The following CNTNAP5 variants were observed in gnomAD, a reference collection of about 807,000 sequenced individuals.
CNTNAP5 encodes the protein contactin associated protein family member 5.
CNTNAP5 carries 72 observed loss-of-function variants against 150.2 expected under a neutral mutation model. That is an observed-to-expected ratio of 0.48 (90% CI 0.40 to 0.58). CNTNAP5 has a LOEUF of 0.58. Ranked by LOEUF, CNTNAP5 falls within the 20% of genes least tolerant of loss-of-function variation. The pLI is 0.00. For missense variants in CNTNAP5, 1,636 were observed against 1,626.2 expected, an observed-to-expected ratio of 1.01 and a Z score of -0.10; for synonymous variants, 672 against 619.8, an observed-to-expected ratio of 1.08 and a Z score of -1.25.
In CNTNAP5 at chr2:124,079,698, T is replaced by A. The variant is rs998695138; in HGVS notation, c.82+53966T>A. 3.3e-5 allele frequency among the ~76,000 whole-genome samples: 5 copies of A among 152,290 alleles called. No individual in the cohort carries two copies. In the South Asian group the frequency reaches 1.0e-3, roughly 32 times the overall value. ...GAAAAAATGTTTATTCATGTGTATG[T>A]GCGTGTGTATGAGCATGCGTGTGTA... On this transcript the variant is annotated intron_variant, in intron 1 of 23. Transcript: ENST00000682447.
chr2:124,192,489 C>G (rs1033657327), intron 1 of CNTNAP5, among the ~76,000 whole-genome samples: 2 of 152,158 alleles, frequency 1.3e-5, no homozygotes. Flanking sequence ...CTATTCCCCC[C>G]AAACCATGCG....
intron 3 of CNTNAP5, among the ~76,000 whole-genome samples, chr2:124,277,946 C>G (rs544703566): frequency 3.7e-4 from 57 of 152,158 alleles, no homozygotes; most frequent in Non-Finnish European, 6.9e-4. Context: ...ACCTTCCCAT[C>G]AAGTGCCCCT....
At chr2:124,548,983 A>G (rs560123168) in intron 10 of CNTNAP5, among the ~76,000 whole-genome samples, 1 of 152,172 alleles carries the variant, frequency 6.6e-6, no homozygotes, top group African/African-American at 2.4e-5. Flanking sequence ...CTGGGGCACA[A>G]GGGGATGGTC....
At chr2:124,342,452 C>G (rs1249248555) in intron 3 of CNTNAP5, among the ~76,000 whole-genome samples, 1 of 152,166 alleles carries the variant, frequency 6.6e-6, no homozygotes, top group Non-Finnish European at 1.5e-5. Flanking sequence ...ATTCATAGTA[C>G]TAGACCAGTT....
At chr2:124,517,459 G>A (rs982523600) in intron 8 of CNTNAP5, among the ~76,000 whole-genome samples, 3 of 151,484 alleles carry the variant, frequency 2.0e-5, no homozygotes, top group Admixed American at 6.6e-5. Flanking sequence ...ATGGAAGGTT[G>A]TGTTGTTGCT....
rs556236521 is a variant in CNTNAP5 at position 124,897,247 on chromosome 2, C to CTGT, written c.3437-5633_3437-5631dup. ...TTCTTTTGCATTCTCAGTTTGATCACTGTTACCCTAGATTTGTCAGGGGTC... is the reference window on the plus strand; with the variant it reads ...TTCTTTTGCATTCTCAGTTTGATCACTGTTGTTACCCTAGATTTGTCAGGGGTC... On this transcript the variant is annotated intron_variant, in intron 21 of 23. Transcript: ENST00000682447. Among the ~76,000 whole-genome samples, 49 of 151,590 alleles carry CTGT rather than the reference C, an allele frequency of 3.2e-4. 5 individuals are homozygous for CTGT. The highest frequency in any genetic ancestry group is 1.1e-3 in the African/African-American group (45 of 40,968).
At chr2:124,783,039 A>T (rs1188024132) in intron 17 of CNTNAP5, among the ~76,000 whole-genome samples, 1 of 152,182 alleles carries the variant, frequency 6.6e-6, no homozygotes, top group Admixed American at 6.5e-5. Context: ...TAGTACATGC[A>T]ATGTGATTCC....
intron 1 of CNTNAP5, among the ~76,000 whole-genome samples, chr2:124,220,865 G>A (rs1686289862): frequency 1.3e-5 from 2 of 152,084 alleles, no homozygotes; most frequent in African/African-American, 4.8e-5. Flanking sequence ...CATGAGTTTG[G>A]GAAATGACAA....
Position 124,541,179 on chromosome 2 carries a change from A to ATTTTTTTTTTTTTT in CNTNAP5, c.1649+13727_1649+13740dup, listed in dbSNP as rs3980963. ...AGAGGATAAGAAGTACAAAATTCCG[A>ATTTTTTTTTTTTTT]TTTTTTTTTTTTTTTTTGGTGAGAA... On this transcript the variant is annotated intron_variant, in intron 10 of 23. Coordinates refer to ENST00000682447, the MANE Select transcript of CNTNAP5 (RefSeq NM_001367498.1). 4.1e-4 allele frequency among the ~76,000 whole-genome samples: 34 copies of ATTTTTTTTTTTTTT among 83,074 alleles called. 2 individuals carry two copies. Among genetic ancestry groups the ATTTTTTTTTTTTTT allele is most frequent in the African/African-American group, 1.4e-3 (30 of 21,360 alleles). 54.5% of individuals were successfully genotyped at this position (83,074 alleles called of 152,430 possible).
At chr2:124,708,549 G>T (rs1286296944) in intron 13 of CNTNAP5, among the ~76,000 whole-genome samples, 1 of 152,122 alleles carries the variant, frequency 6.6e-6, no homozygotes, top group Non-Finnish European at 1.5e-5. Flanking sequence ...TCTCGGGATT[G>T]GAGGTACAAG....
At chr2:124,419,157 A>AAAAAAAC (rs1692016129) in intron 4 of CNTNAP5, among the ~76,000 whole-genome samples, 1 of 146,130 alleles carries the variant, frequency 6.8e-6, no homozygotes, top group East Asian at 2.0e-4. Flanking sequence ...AAAAAAAAAA[A>AAAAAAAC]AAAAAACAGT....
intron 10 of CNTNAP5, among the ~76,000 whole-genome samples, chr2:124,540,482 G>C (rs1275327087): frequency 1.3e-5 from 2 of 152,136 alleles, no homozygotes; most frequent in African/African-American, 4.8e-5. Context: ...CCTGTGCTCT[G>C]CTAATATTCC....
intron 3 of CNTNAP5, among the ~76,000 whole-genome samples, chr2:124,338,012 T>G (rs1016730353): frequency 1.3e-5 from 2 of 152,212 alleles, no homozygotes; most frequent in Non-Finnish European, 2.9e-5. Context: ...GAAGTGTTCT[T>G]CCATTTGTTT....
intron 1 of CNTNAP5, among the ~76,000 whole-genome samples, chr2:124,037,903 A>T (rs972559145): frequency 6.6e-6 from 1 of 152,246 alleles, no homozygotes; most frequent in African/African-American, 2.4e-5. Context: ...TACAATTTAT[A>T]TAGACCAATT....
chr2:124,064,727 C>T (rs116030903), intron 1 of CNTNAP5, among the ~76,000 whole-genome samples: 516 of 152,244 alleles, frequency 3.4e-3, no homozygotes, highest in Non-Finnish European at 5.4e-3. Context: ...ACCACCCTCC[C>T]GTGACTACCA....
intron 8 of CNTNAP5, among the ~76,000 whole-genome samples, chr2:124,513,553 C>T (rs568788454): frequency 1.9e-4 from 29 of 152,172 alleles, no homozygotes; most frequent in Non-Finnish European, 4.0e-4. Flanking sequence ...GCTTACCACA[C>T]GTCTTCCATA....
intron 6 of CNTNAP5, among the ~76,000 whole-genome samples, chr2:124,467,745 G>A (rs1026078345): frequency 3.3e-5 from 5 of 151,944 alleles, no homozygotes; most frequent in Non-Finnish European, 7.4e-5. Context: ...TCTCAACTAC[G>A]TAAAACATCT....
At chr2:124,694,820 G>A (rs1679371672) in intron 13 of CNTNAP5, among the ~76,000 whole-genome samples, 1 of 152,060 alleles carries the variant, frequency 6.6e-6, no homozygotes, top group African/African-American at 2.4e-5. Flanking sequence ...GTTAACAATT[G>A]TTGAAAGCAT....
chr2:124,066,195 T>C (rs1267280362), intron 1 of CNTNAP5, among the ~76,000 whole-genome samples: 2 of 152,130 alleles, frequency 1.3e-5, no homozygotes, highest in Non-Finnish European at 2.9e-5. Context: ...ACAGTTTTTT[T>C]CTTTCCCCAC....
Sources: allele counts gnomAD v4.1 joint callset (sites outside exome capture counted in the v4.1 genomes callset), GRCh38; gene constraint gnomAD v4.1.1; transcripts MANE v1.5; gene names NCBI Gene and HGNC (gene_info 2026-07-23, HGNC 2026-07-21).